The following DLC1 variants were observed in gnomAD, a reference collection of about 807,000 sequenced individuals.
DLC1 encodes the protein rho GTPase-activating protein 7.
In DLC1, 54 loss-of-function variants were observed where a neutral mutation model predicts 140.3. That is an observed-to-expected ratio of 0.38 (90% CI 0.31 to 0.48). The LOEUF (loss-of-function observed/expected upper bound fraction) is 0.48, where lower values mean the gene tolerates loss of function less well. Among genes scored for constraint, DLC1 ranks in the 20% least tolerant of loss-of-function variants. The pLI, the probability that DLC1 is intolerant of heterozygous loss-of-function variation, is 0.96. For synonymous variants in DLC1, 986 were observed against 728.1 expected, an observed-to-expected ratio of 1.35 and a Z score of -5.70; for missense variants, 2,536 against 1,907.0, an observed-to-expected ratio of 1.33 and a Z score of -6.14.
At chr8:13,320,053 C>T (rs1259408714) in intron 4 of DLC1, among the ~76,000 whole-genome samples, 3 of 151,950 alleles carry the variant, frequency 2.0e-5, no homozygotes, top group Non-Finnish European at 4.4e-5. Flanking sequence ...CCTCTTGATC[C>T]GCCCGCCTTG....
intron 1 of DLC1, among the ~76,000 whole-genome samples, chr8:13,527,295 T>C (rs1802947190): frequency 6.6e-6 from 1 of 152,148 alleles, no homozygotes; most frequent in African/African-American, 2.4e-5. Flanking sequence ...TATCGGAAAA[T>C]ATACGAAAAT....
chr8:13,322,358 C>A (rs1292330971), intron 4 of DLC1, among the ~76,000 whole-genome samples: 1 of 152,108 alleles, frequency 6.6e-6, no homozygotes, highest in Non-Finnish European at 1.5e-5. Flanking sequence ...ATTTAAAGTA[C>A]AAGTATGTTA....
At chr8:13,271,654 T>G (rs188590203) in intron 5 of DLC1, among the ~76,000 whole-genome samples, 2 of 152,332 alleles carry the variant, frequency 1.3e-5, no homozygotes, top group East Asian at 3.9e-4. Flanking sequence ...AATTCAGTTT[T>G]TTCTTCTTTC....
intron 1 of DLC1, among the ~76,000 whole-genome samples, chr8:13,580,453 A>G (rs554799316): frequency 6.6e-6 from 1 of 152,296 alleles, no homozygotes; most frequent in South Asian, 2.1e-4. Flanking sequence ...AGCTTACACA[A>G]AGCAGCACGG....
intron 2 of DLC1, among the ~76,000 whole-genome samples, chr8:13,468,453 T>G (rs1800051674): frequency 6.7e-6 from 1 of 148,676 alleles, no homozygotes; most frequent in Non-Finnish European, 1.5e-5. Flanking sequence ...GGATCATAGG[T>G]CACTGTGGCC....
intron 1 of DLC1, among the ~76,000 whole-genome samples, chr8:13,598,687 G>A (rs1025570507): frequency 1.3e-5 from 2 of 151,540 alleles, no homozygotes; most frequent in African/African-American, 4.8e-5. Context: ...TACTATTATT[G>A]CATTACTACT....
chr8:13,285,241 T>C (rs1479541714), intron 5 of DLC1, among the ~76,000 whole-genome samples: 3 of 152,156 alleles, frequency 2.0e-5, no homozygotes, highest in African/African-American at 7.2e-5. Context: ...ATATGGTCAG[T>C]TGATTTTTTT....
chr8:13,420,455 T>C (rs1452013363), intron 2 of DLC1, among the ~76,000 whole-genome samples: 3 of 152,154 alleles, frequency 2.0e-5, no homozygotes, highest in Non-Finnish European at 4.4e-5. Flanking sequence ...GTTTGTTACA[T>C]AGGTATACAT....
At chr8:13,538,576 G>C (rs1459266813) in intron 1 of DLC1, among the ~76,000 whole-genome samples, 3 of 152,102 alleles carry the variant, frequency 2.0e-5, no homozygotes, top group Non-Finnish European at 4.4e-5. Flanking sequence ...GTTAAGTGAG[G>C]AGTTTACTCT....
At chr8:13,572,457 T>A (rs932558521) in intron 1 of DLC1, among the ~76,000 whole-genome samples, 2 of 152,210 alleles carry the variant, frequency 1.3e-5, no homozygotes, top group Non-Finnish European at 2.9e-5. Flanking sequence ...CTTGATAGTG[T>A]CTTTTTATAC....
chr8:13,200,363 A>G (rs1827314187), intron 5 of DLC1, among the ~76,000 whole-genome samples: 1 of 151,960 alleles, frequency 6.6e-6, no homozygotes, highest in African/African-American at 2.4e-5. Flanking sequence ...CACCTGGCCG[A>G]TAATTTACTA....
intron 5 of DLC1, among the ~76,000 whole-genome samples, chr8:13,177,787 C>G (rs892408327): frequency 5.3e-5 from 8 of 152,132 alleles, no homozygotes; most frequent in Admixed American, 3.9e-4. Context: ...ACCAGTGCTA[C>G]ACCTGGACAG....
intron 2 of DLC1, among the ~76,000 whole-genome samples, chr8:13,480,878 T>C (rs933241476): frequency 6.6e-6 from 1 of 152,194 alleles, no homozygotes; most frequent in Non-Finnish European, 1.5e-5. Context: ...CACTGCAGCC[T>C]GGGCAACAGA....
chr8:13,148,854 G>T (rs958619553), intron 5 of DLC1, among the ~76,000 whole-genome samples: 1 of 151,926 alleles, frequency 6.6e-6, no homozygotes. Flanking sequence ...GTGCAGTGGC[G>T]CGATCTTGGC....
chr8:13,299,748 C>A (rs1343768838), intron 5 of DLC1, among the ~76,000 whole-genome samples: 1 of 152,062 alleles, frequency 6.6e-6, no homozygotes, highest in Non-Finnish European at 1.5e-5. Context: ...ATAACAGGAC[C>A]ATTTATAATG....
intron 5 of DLC1, chr8:13,133,221 G>A: frequency 7.1e-7 from 1 of 1,417,488 alleles, no homozygotes; most frequent in Non-Finnish European, 9.2e-7. Context: ...CGGCGCTCCT[G>A]ATGCGGAGAG....
intron 16 of DLC1, 145 bp downstream of exon 16, chr8:13,088,342 A>G: frequency 1.0e-6 from 1 of 968,736 alleles, no homozygotes; most frequent in Admixed American, 2.7e-5. Flanking sequence ...TTGGCCTCCC[A>G]GAGTGCTGGG....
chr8:13,520,089 G>A (rs548486543), intron 1 of DLC1, among the ~76,000 whole-genome samples: 5 of 152,310 alleles, frequency 3.3e-5, no homozygotes, highest in African/African-American at 2.4e-5. Flanking sequence ...TCTACAACTA[G>A]AAGTACCATT....
rs116204490 is a variant in DLC1, at chr8:13,428,758, C to G, written c.1024-27139G>C. On this transcript the variant is annotated intron_variant, in intron 2 of 17. Transcript: ENST00000276297. ...TTTAACGTGATGGGATATGGTGGAA[C>G]TACATGCTTGCTGTGACTCCTTTGT... Among the ~76,000 whole-genome samples, 883 of 152,186 alleles carry G rather than the reference C, an allele frequency of 5.8e-3. 12 individuals are homozygous for G. The highest frequency in any genetic ancestry group is 0.02 in the African/African-American group (846 of 41,498).
Sources: allele counts gnomAD v4.1 joint callset (sites outside exome capture counted in the v4.1 genomes callset), GRCh38; gene constraint gnomAD v4.1.1; transcripts MANE v1.5; gene names NCBI Gene and HGNC (gene_info 2026-07-23, HGNC 2026-07-21).